ALK: variants seen among roughly 807,000 people sequenced by gnomAD.
ALK encodes ALK receptor tyrosine kinase.
In ALK, 74 loss-of-function variants were observed where a neutral mutation model predicts 163.1. The ratio of observed to expected loss-of-function variants is 0.45; its 90% CI spans 0.38 to 0.55. The LOEUF is 0.55. ALK is among the 20% of genes least tolerant of loss of function. ALK has a pLI of 0.00. For missense variants in ALK, 2,063 were observed against 2,105.3 expected (o/e 0.98, Z 0.39); for synonymous variants, 960 against 843.2 (o/e 1.14, Z -2.40).
Position 29,769,816 on chromosome 2 carries a change from C to T in ALK, c.668-52119G>A, listed in dbSNP as rs77623601. ...ATAAGCAAGCAAACAACAGCAACAG[C>T]GGTTTAGATACTGGGCAGCAAATGG... On this transcript the variant is annotated intron_variant, in intron 1 of 28. Coordinates refer to ENST00000389048, the MANE Select transcript of ALK (RefSeq NM_004304.5). Among the ~76,000 whole-genome samples, 804 of 152,296 alleles carry T rather than the reference C, an allele frequency of 5.3e-3. 5 individuals carry two copies. The highest frequency in any genetic ancestry group is 0.018 in the African/African-American group (767 of 41,556).
chr2:29,469,286 C>G (rs554334695), intron 4 of ALK, among the ~76,000 whole-genome samples: 4 of 152,250 alleles, frequency 2.6e-5, no homozygotes, highest in African/African-American at 9.6e-5. Context: ...TCAGTGATCA[C>G]CAGCCACTAT....
chr2:29,247,834 A>G (rs759275203), intron 12 of ALK, among the ~76,000 whole-genome samples: 13 of 152,158 alleles, frequency 8.5e-5, no homozygotes, highest in African/African-American at 2.7e-4. Flanking sequence ...TGGGTTCGTT[A>G]GGGCTCGGCT....
intron 3 of ALK, among the ~76,000 whole-genome samples, chr2:29,611,051 C>T (rs1307241757): frequency 6.6e-6 from 1 of 152,164 alleles, no homozygotes; most frequent in Non-Finnish European, 1.5e-5. Flanking sequence ...ACCTAGGTCA[C>T]TAACACCAAA....
At chr2:29,827,545 T>A (rs1257768498) in intron 1 of ALK, among the ~76,000 whole-genome samples, 1 of 152,208 alleles carries the variant, frequency 6.6e-6, no homozygotes, top group Non-Finnish European at 1.5e-5. Flanking sequence ...TGAGCTTTGT[T>A]GGCAAAGGCA....
intron 3 of ALK, among the ~76,000 whole-genome samples, chr2:29,561,732 A>G (rs985015463): frequency 6.6e-6 from 1 of 152,096 alleles, no homozygotes; most frequent in African/African-American, 2.4e-5. Context: ...ATATCATACG[A>G]TATGTTTAGA....
chr2:29,530,773 G>C (rs1325464145), intron 4 of ALK, among the ~76,000 whole-genome samples: 4 of 152,234 alleles, frequency 2.6e-5, no homozygotes, highest in African/African-American at 9.6e-5. Flanking sequence ...CTGGTGAATA[G>C]AGCAAGAGTC....
intron 3 of ALK, among the ~76,000 whole-genome samples, chr2:29,626,098 T>C (rs562322160): frequency 2.0e-5 from 3 of 152,324 alleles, no homozygotes; most frequent in African/African-American, 7.2e-5. Flanking sequence ...GTGTGTGCTA[T>C]GGACTGAAGG....
At chr2:29,766,914 G>A (rs1430077929) in intron 1 of ALK, among the ~76,000 whole-genome samples, 1 of 152,106 alleles carries the variant, frequency 6.6e-6, no homozygotes, top group Middle Eastern at 3.2e-3. Flanking sequence ...ACCTCCAAAA[G>A]GCTCTTCTAG....
intron 1 of ALK, among the ~76,000 whole-genome samples, chr2:29,811,338 C>T (rs1287040084): frequency 2.6e-5 from 4 of 152,050 alleles, no homozygotes; most frequent in African/African-American, 9.7e-5. Context: ...AGGGTCTCTC[C>T]CGTGAATACT....
At chr2:29,469,439 T>C (rs1015754456) in intron 4 of ALK, among the ~76,000 whole-genome samples, 1 of 152,194 alleles carries the variant, frequency 6.6e-6, no homozygotes, top group African/African-American at 2.4e-5. Flanking sequence ...TTGCATTTAT[T>C]TTTAGGTCCA....
intron 2 of ALK, among the ~76,000 whole-genome samples, chr2:29,715,618 GT>G (rs1679226259): frequency 1.3e-5 from 2 of 152,164 alleles, no homozygotes; most frequent in South Asian, 4.1e-4. Context: ...GCAGCATGGA[GT>G]GGGTAGATTT....
intron 3 of ALK, among the ~76,000 whole-genome samples, chr2:29,619,152 T>C (rs1317870900): frequency 1.3e-5 from 2 of 152,176 alleles, no homozygotes; most frequent in African/African-American, 4.8e-5. Flanking sequence ...TGACTTGCAA[T>C]AGTACCAAGT....
intron 1 of ALK, among the ~76,000 whole-genome samples, chr2:29,855,641 G>A (rs1572440558): frequency 1.3e-5 from 2 of 152,130 alleles, no homozygotes; most frequent in African/African-American, 4.8e-5. Flanking sequence ...AAAAGTCTCT[G>A]TGCCTCCCTC....
intron 1 of ALK, among the ~76,000 whole-genome samples, chr2:29,909,452 C>A (rs1384462796): frequency 6.7e-6 from 1 of 149,344 alleles, no homozygotes; most frequent in Admixed American, 6.7e-5. Context: ...ACTAGACACA[C>A]ATACACACAC....
intron 1 of ALK, among the ~76,000 whole-genome samples, chr2:29,728,702 G>A (rs1353299182): frequency 6.6e-6 from 1 of 152,178 alleles, no homozygotes; most frequent in Non-Finnish European, 1.5e-5. Flanking sequence ...TGGGAGGCTG[G>A]AGAAGGCAGG....
chr2:29,745,801 C>G (rs1451089585), intron 1 of ALK, among the ~76,000 whole-genome samples: 1 of 152,154 alleles, frequency 6.6e-6, no homozygotes, highest in African/African-American at 2.4e-5. Context: ...TACCATAGTG[C>G]CTGGCAGAGA....
At chr2:29,701,216 G>A (rs1456264563) in intron 2 of ALK, among the ~76,000 whole-genome samples, 2 of 152,150 alleles carry the variant, frequency 1.3e-5, no homozygotes, top group Non-Finnish European at 2.9e-5. Flanking sequence ...TTGGATCAAG[G>A]CCCTTTATGC....
intron 4 of ALK, among the ~76,000 whole-genome samples, chr2:29,425,553 G>C (rs527915548): frequency 1.3e-5 from 2 of 152,254 alleles, no homozygotes; most frequent in South Asian, 4.1e-4. Context: ...TCATGTGTAG[G>C]ATGGATGTTC....
intron 1 of ALK, among the ~76,000 whole-genome samples, chr2:29,811,852 C>T (rs914342953): frequency 1.3e-5 from 2 of 152,156 alleles, no homozygotes; most frequent in Non-Finnish European, 2.9e-5. Flanking sequence ...TCTGTCTACG[C>T]CCCTTCCAGT....
Sources: allele counts gnomAD v4.1 joint callset (sites outside exome capture counted in the v4.1 genomes callset), GRCh38; gene constraint gnomAD v4.1.1; transcripts MANE v1.5; gene names NCBI Gene and HGNC (gene_info 2026-07-23, HGNC 2026-07-21).